CATSPERB: variants seen among roughly 807,000 people sequenced by gnomAD.
CATSPERB encodes catsper channel auxiliary subunit beta, also known as cation channel sperm-associated auxiliary subunit beta.
A neutral mutation model predicts 128.3 loss-of-function variants in CATSPERB; 93 were observed. The ratio of observed to expected loss-of-function variants is 0.72; its 90% CI spans 0.61 to 0.86. The LOEUF (loss-of-function observed/expected upper bound fraction) is 0.86, where lower values mean the gene tolerates loss of function less well. Among genes scored for constraint, CATSPERB ranks in the 40% least tolerant of loss-of-function variants. The probability of loss-of-function intolerance (pLI) is 0.00; values close to 1 mark genes in which losing one functional copy is unlikely to be tolerated. For synonymous variants in CATSPERB, 381 were observed against 448.8 expected, an observed-to-expected ratio of 0.85 and a Z score of 1.91; for missense variants, 1,153 against 1,329.5, an observed-to-expected ratio of 0.87 and a Z score of 2.06.
chr14:91,587,246 C>T lies in CATSPERB; in HGVS notation c.3088G>A (p.Val1030Ile), dbSNP rs142955111. Residue 1030 changes from valine to isoleucine, a missense_variant, in exon 26 of 27, where the codon GTC becomes ATC. Transcript: ENST00000256343. ...GSELFHFRVT[V>I]ISGVTFCNLI... ...TTACAAAAAGTTACTCCTGAAATGACGGTCACTCTAAAGTGGAAAAGTTCA... is the reference window on the plus strand; with the variant it reads ...TTACAAAAAGTTACTCCTGAAATGATGGTCACTCTAAAGTGGAAAAGTTCA... The T allele has an allele frequency of 3.1e-5, 49 of 1,605,316 alleles. No homozygotes were observed. In the East Asian group the frequency reaches 5.5e-4, roughly 18 times the overall value.
intron 22 of CATSPERB, among the ~76,000 whole-genome samples, chr14:91,596,994 C>T (rs1191608384): frequency 6.6e-6 from 1 of 151,790 alleles, no homozygotes; most frequent in East Asian, 1.9e-4. Context: ...TCACTCCATT[C>T]TCCTGCCTCA....
rs555072848 is a variant in CATSPERB, at chr14:91,655,103, A to G, written c.1432+4734T>C. ...TCTACAAGTTGGCAATAGCCAAAGC[A>G]TTACTGGGCTTGAGGTACCTCCTAA... On this transcript the variant is annotated intron_variant, in intron 15 of 26. Transcript: ENST00000256343. Among the ~76,000 whole-genome samples, 9 of 152,220 alleles carry G rather than the reference A, an allele frequency of 5.9e-5. No homozygotes were observed. The South Asian group carries it at 1.9e-3, about 31-fold the overall frequency.
Position 91,727,016 on chromosome 14 carries a change from A to G in CATSPERB, c.80-1848T>C, listed in dbSNP as rs114571338. On this transcript the variant is annotated intron_variant, in intron 2 of 26. Transcript: ENST00000256343. Reference sequence around the variant, plus strand: ...ACCAGCACAGGCCCAGATAGGGAACAGGGAAGAAGCTTCAATTATAAAATA... The same window carrying G: ...ACCAGCACAGGCCCAGATAGGGAACGGGGAAGAAGCTTCAATTATAAAATA... Among the ~76,000 whole-genome samples the G allele has an allele frequency of 5.2e-3, 791 of 152,336 alleles. 7 individuals are homozygous for G. Among genetic ancestry groups the G allele is most frequent in the African/African-American group, 0.018 (739 of 41,580 alleles).
intron 22 of CATSPERB, chr14:91,605,238 T>A (rs1410576461): frequency 2.3e-5 from 36 of 1,534,974 alleles, no homozygotes; most frequent in Non-Finnish European, 3.2e-5. Flanking sequence ...GGCCCACAAA[T>A]CACAGGTGTA....
At chr14:91,656,274 G>C (rs1361333049) in intron 15 of CATSPERB, among the ~76,000 whole-genome samples, 1 of 152,058 alleles carries the variant, frequency 6.6e-6, no homozygotes, top group African/African-American at 2.4e-5. Context: ...TAAGTACACA[G>C]AAACACACAG....
At chr14:91,621,520 A>G in intron 19 of CATSPERB, 88 bp downstream of exon 19, 1 of 1,069,738 alleles carries the variant, frequency 9.3e-7, no homozygotes, top group Non-Finnish European at 1.3e-6. Flanking sequence ...AACCAAGGAT[A>G]AAGTCAGTCA....
intron 17 of CATSPERB, among the ~76,000 whole-genome samples, chr14:91,625,535 A>C (rs917931373): frequency 6.6e-6 from 1 of 152,248 alleles, no homozygotes; most frequent in African/African-American, 2.4e-5. Flanking sequence ...AATGATTAAA[A>C]GGGTGTTTAG....
chr14:91,652,457 G>A (rs1894718494), intron 15 of CATSPERB, among the ~76,000 whole-genome samples: 2 of 149,882 alleles, frequency 1.3e-5, no homozygotes, highest in Admixed American at 6.6e-5. Context: ...TCAGGAGTTT[G>A]AGACCAGCCT....
rs755185589 is a variant in CATSPERB, at chr14:91,610,677, C to A, written c.2401G>T (p.Gly801Cys). The A allele has an allele frequency of 6.2e-7, 1 of 1,613,710 alleles. No individual in the cohort carries two copies. Among genetic ancestry groups the A allele is most frequent in the South Asian group, 1.1e-5 (1 of 91,026 alleles). Residue 801 changes from glycine (G) to cysteine (C), a missense_variant and splice_region_variant, in exon 21 of 27, where the codon GGT becomes TGT. Gly to Cys is a radical substitution (Grantham distance 159). Coordinates refer to ENST00000256343, the MANE Select transcript of CATSPERB (RefSeq NM_024764.4). ...ATAATAAATGCCAGTGAAGTTGAAC[C>A]CTGGAAATAACCAAATAAATGAAGG... ...ISAASKVLHQGSTSLAFIMWS... is the reference protein window; with the variant it reads ...ISAASKVLHQCSTSLAFIMWS...
chr14:91,616,943 C>T (rs1052217812), intron 20 of CATSPERB, among the ~76,000 whole-genome samples: 16 of 151,924 alleles, frequency 1.1e-4, no homozygotes, highest in Admixed American at 4.6e-4. Context: ...GGGGTTTCTC[C>T]ATGTTTGTCA....
chr14:91,706,361 C>T (rs1895731931), intron 6 of CATSPERB, among the ~76,000 whole-genome samples: 1 of 152,178 alleles, frequency 6.6e-6, no homozygotes, highest in Non-Finnish European at 1.5e-5. Context: ...ACACCCAGGT[C>T]AGGGAGATTT....
intron 7 of CATSPERB, among the ~76,000 whole-genome samples, chr14:91,698,671 T>C (rs1048000493): frequency 2.0e-5 from 3 of 152,248 alleles, no homozygotes; most frequent in African/African-American, 7.2e-5. Flanking sequence ...TTGCTTTTAG[T>C]TCTATTTATA....
chr14:91,725,528 G>A (rs1402977096), intron 2 of CATSPERB, among the ~76,000 whole-genome samples: 1 of 152,140 alleles, frequency 6.6e-6, no homozygotes, highest in African/African-American at 2.4e-5. Flanking sequence ...TGATAGAGAG[G>A]TACTGAATGA....
intron 10 of CATSPERB, among the ~76,000 whole-genome samples, chr14:91,687,676 T>C (rs1895398296): frequency 6.6e-6 from 1 of 152,122 alleles, no homozygotes; most frequent in African/African-American, 2.4e-5. Context: ...TTATCTAAGC[T>C]GGGTGCGGTG....
intron 11 of CATSPERB, among the ~76,000 whole-genome samples, chr14:91,678,265 G>A (rs986082577): frequency 7.2e-5 from 11 of 152,164 alleles, no homozygotes; most frequent in African/African-American, 2.7e-4. Flanking sequence ...CTGAACTGCC[G>A]TAAAGACTGC....
chr14:91,696,507 A>C (rs1895564973), intron 7 of CATSPERB, among the ~76,000 whole-genome samples: 1 of 152,218 alleles, frequency 6.6e-6, no homozygotes, highest in South Asian at 2.1e-4. Flanking sequence ...TGGAAACCAG[A>C]GTCTGATTTG....
At position 91,659,844 on chromosome 14, in the gene CATSPERB, T is replaced by C. The variant is rs1216394978; in HGVS notation, c.1425A>G (p.Thr475=). ...TGAAAGCAAATTTCTTACCTGCCTT[T>C]GTCGAGTAAACCTTTCCACGTTGAG... ...FVSQRGKVYS[T]KAGMGRYSAV... The change falls in exon 15 of 27, where the codon ACA becomes ACG. Residue 475 remains threonine (T), a synonymous_variant. Transcript: ENST00000256343. 1 of 1,603,100 alleles carries C rather than the reference T, an allele frequency of 6.2e-7. No individual in the cohort carries two copies. Among genetic ancestry groups the C allele is most frequent in the African/African-American group, 1.3e-5 (1 of 74,148 alleles).
At chr14:91,660,607 C>T (rs1221333797) in intron 14 of CATSPERB, among the ~76,000 whole-genome samples, 6 of 152,126 alleles carry the variant, frequency 3.9e-5, no homozygotes, top group East Asian at 1.9e-4. Context: ...CAGTTGCTAC[C>T]GCTTTTAATA....
chr14:91,587,948 A>G, intron 25 of CATSPERB, 30 bp downstream of exon 25: 3 of 1,397,644 alleles, frequency 2.1e-6, no homozygotes, highest in Non-Finnish European at 3.0e-6. Context: ...TCTAAACTCA[A>G]CACAGTAAAA....
Sources: gnomAD v4.1 joint callset for allele counts (sites outside exome capture counted in the v4.1 genomes callset) on GRCh38, gnomAD v4.1.1 for gene constraint, MANE v1.5 for transcripts, NCBI Gene and HGNC (gene_info 2026-07-23, HGNC 2026-07-21) for gene names.